RGS7: variants seen among roughly 807,000 people sequenced by gnomAD.
RGS7 encodes the protein regulator of G protein signaling 7, also known as regulator of G-protein signaling 7.
Under a neutral mutation model 81.1 loss-of-function variants are expected in RGS7, and 27 were observed. The observed-to-expected ratio is 0.33, with a 90% CI of 0.25 to 0.46. The LOEUF is 0.46. Among genes scored for constraint, RGS7 ranks in the 20% least tolerant of loss-of-function variants. The pLI is 1.00. For missense variants in RGS7, 396 were observed against 607.4 expected, an observed-to-expected ratio of 0.65 and a Z score of 3.66; for synonymous variants, 208 against 207.7, an observed-to-expected ratio of 1.00 and a Z score of -0.01.
intron 2 of RGS7, among the ~76,000 whole-genome samples, chr1:241,106,348 A>T (rs1361918831): frequency 6.6e-6 from 1 of 152,218 alleles, no homozygotes; most frequent in Non-Finnish European, 1.5e-5. Flanking sequence ...TCGACTAAAA[A>T]TAGAAACTAG....
chr1:241,035,101 A>G (rs1461842180), intron 3 of RGS7, among the ~76,000 whole-genome samples: 1 of 152,174 alleles, frequency 6.6e-6, no homozygotes, highest in Non-Finnish European at 1.5e-5. Context: ...CTCAGGATAC[A>G]ATGAGAAGAG....
At chr1:241,295,194 A>G (rs1351763751) in intron 2 of RGS7, among the ~76,000 whole-genome samples, 7 of 152,152 alleles carry the variant, frequency 4.6e-5, no homozygotes, top group Non-Finnish European at 1.0e-4. Context: ...CACGCCTGTA[A>G]TCCCAGCACT....
At chr1:240,796,329 A>G (rs1264926071) in intron 18 of RGS7, among the ~76,000 whole-genome samples, 1 of 152,194 alleles carries the variant, frequency 6.6e-6, no homozygotes, top group Non-Finnish European at 1.5e-5. Context: ...TTCTATTTCA[A>G]ATAAGAGGAT....
intron 2 of RGS7, among the ~76,000 whole-genome samples, chr1:241,243,892 G>T (rs1376091199): frequency 6.6e-6 from 1 of 152,042 alleles, no homozygotes. Flanking sequence ...ATTATTCAAA[G>T]AACATTTTTT....
At chr1:241,138,027 C>T (rs765409018) in intron 2 of RGS7, among the ~76,000 whole-genome samples, 5 of 151,784 alleles carry the variant, frequency 3.3e-5, no homozygotes, top group South Asian at 4.2e-4. Flanking sequence ...AAAAATTAGC[C>T]GGGTGTGGTG....
At chr1:240,970,260 T>G (rs6690744) in intron 4 of RGS7, among the ~76,000 whole-genome samples, 62,369 of 152,114 alleles carry the variant, frequency 0.41, 13,311 homozygotes, top group East Asian at 0.68. Context: ...AAAGATGGTC[T>G]GAAATAATGG....
chr1:241,352,053 G>A (rs1256845142), intron 2 of RGS7, among the ~76,000 whole-genome samples: 2 of 152,146 alleles, frequency 1.3e-5, no homozygotes, highest in Admixed American at 1.3e-4. Context: ...CAGCATGCTG[G>A]CCAGACACCA....
chr1:241,260,225 T>C (rs190661356), intron 2 of RGS7, among the ~76,000 whole-genome samples: 39 of 152,288 alleles, frequency 2.6e-4, no homozygotes, highest in African/African-American at 8.9e-4. Context: ...ATTACTTTAT[T>C]GCTTCTCGTA....
intron 3 of RGS7, among the ~76,000 whole-genome samples, chr1:241,045,932 C>A (rs2060901312): frequency 6.6e-6 from 1 of 152,114 alleles, no homozygotes; most frequent in African/African-American, 2.4e-5. Flanking sequence ...TGGTCTGAAT[C>A]CCCAGTAATA....
intron 5 of RGS7, among the ~76,000 whole-genome samples, chr1:240,933,871 C>T (rs1676134364): frequency 6.6e-6 from 1 of 152,010 alleles, no homozygotes; most frequent in African/African-American, 2.4e-5. Context: ...AAGACATGTA[C>T]TACAAATTTG....
At chr1:240,872,774 T>C (rs1664717596) in intron 6 of RGS7, among the ~76,000 whole-genome samples, 1 of 152,296 alleles carries the variant, frequency 6.6e-6, no homozygotes, top group South Asian at 2.1e-4. Context: ...AATGCACTCA[T>C]GCATAGTCAA....
chr1:241,066,927 G>C (rs2062096852), intron 3 of RGS7, among the ~76,000 whole-genome samples: 1 of 152,222 alleles, frequency 6.6e-6, no homozygotes, highest in African/African-American at 2.4e-5. Flanking sequence ...ATAGTGGAAA[G>C]AGAGGACAAG....
At chr1:240,877,374 T>C (rs1453858879) in intron 6 of RGS7, among the ~76,000 whole-genome samples, 1 of 150,890 alleles carries the variant, frequency 6.6e-6, no homozygotes, top group Non-Finnish European at 1.5e-5. Flanking sequence ...TATAATACCA[T>C]TTCTGTCATT....
chr1:241,057,054 CT>C (rs5782173), intron 3 of RGS7, among the ~76,000 whole-genome samples: 27,829 of 147,414 alleles, frequency 0.19, 2,897 homozygotes, highest in Non-Finnish European at 0.24. Flanking sequence ...ATTTCCAAGA[CT>C]TTTTTTTTTT....
At chr1:241,095,571 C>T (rs2064188725) in intron 3 of RGS7, among the ~76,000 whole-genome samples, 1 of 152,146 alleles carries the variant, frequency 6.6e-6, no homozygotes, top group Non-Finnish European at 1.5e-5. Context: ...AGGAGGATTG[C>T]TTGAGCTCAG....
intron 6 of RGS7, among the ~76,000 whole-genome samples, chr1:240,907,773 T>C (rs1224727340): frequency 1.3e-5 from 2 of 152,110 alleles, no homozygotes; most frequent in East Asian, 3.9e-4. Flanking sequence ...CCCCTCAATA[T>C]TGAAGCAATG....
At chr1:240,940,011 T>G (rs1019934253) in intron 4 of RGS7, among the ~76,000 whole-genome samples, 2 of 152,000 alleles carry the variant, frequency 1.3e-5, no homozygotes, top group Admixed American at 1.3e-4. Context: ...ATTCGGGAGG[T>G]GGAGGTTGTA....
chr1:241,255,942 A>G (rs1243093940), intron 2 of RGS7, among the ~76,000 whole-genome samples: 1 of 152,204 alleles, frequency 6.6e-6, no homozygotes, highest in Admixed American at 6.5e-5. Flanking sequence ...GTTTCCGGAA[A>G]TTTTGGGACA....
At chr1:240,924,466 A>G (rs1405652048) in intron 6 of RGS7, among the ~76,000 whole-genome samples, 2 of 152,188 alleles carry the variant, frequency 1.3e-5, no homozygotes, top group Non-Finnish European at 2.9e-5. Context: ...TGTTTTGAAC[A>G]ACTTTAATTG....
Sources: gnomAD v4.1 joint callset for allele counts (sites outside exome capture counted in the v4.1 genomes callset) on GRCh38, gnomAD v4.1.1 for gene constraint, MANE v1.5 for transcripts, NCBI Gene and HGNC (gene_info 2026-07-23, HGNC 2026-07-21) for gene names.